The following ABCC9 variants were observed in gnomAD, a reference collection of about 807,000 sequenced individuals.
ABCC9 encodes the protein ATP-binding cassette sub-family C member 9.
ABCC9 carries 95 observed loss-of-function variants against 188.3 expected under a neutral mutation model. The observed-to-expected ratio is 0.50, with a 90% CI of 0.43 to 0.60. ABCC9 has a LOEUF of 0.60. ABCC9 is among the 20% of genes least tolerant of loss of function. The pLI is 0.00. For synonymous variants in ABCC9, 659 were observed against 652.7 expected, an observed-to-expected ratio of 1.01 and a Z score of -0.15; for missense variants, 1,102 against 1,876.3, an observed-to-expected ratio of 0.59 and a Z score of 7.62.
chr12:21,906,564 T>A (rs1185577038), intron 11 of ABCC9, among the ~76,000 whole-genome samples: 1 of 152,120 alleles, frequency 6.6e-6, no homozygotes, highest in African/African-American at 2.4e-5. Context: ...TTTCTAAAGT[T>A]TCACATGATT....
At chr12:21,925,492 A>G (rs1371692171) in intron 5 of ABCC9, 2 of 702,560 alleles carry the variant, frequency 2.8e-6, no homozygotes, top group African/African-American at 3.5e-5. Context: ...TTCCCACAGC[A>G]TCAGTGAAAG....
At chr12:21,881,425 T>G (rs539935771) in intron 16 of ABCC9, among the ~76,000 whole-genome samples, 32 of 152,322 alleles carry the variant, frequency 2.1e-4, no homozygotes, top group Middle Eastern at 3.4e-3. Flanking sequence ...TCTTAATGCA[T>G]GAATGGTCAA....
chr12:21,863,752 G>A (rs1469519069), intron 19 of ABCC9, among the ~76,000 whole-genome samples: 1 of 152,104 alleles, frequency 6.6e-6, no homozygotes, highest in African/African-American at 2.4e-5. Flanking sequence ...GAGAATGATG[G>A]GAAGGGCAGG....
Position 21,851,902 on chromosome 12 carries a change from GC to G in ABCC9, c.2769+194del, listed in dbSNP as rs4148672. 0.24 allele frequency among the ~76,000 whole-genome samples: 37,139 copies of G among 152,022 alleles called. 4,753 individuals are homozygous for G. The highest frequency in any genetic ancestry group is 0.31 in the Middle Eastern group (92 of 294). Reference sequence around the variant, plus strand: ...CCTGACTGCACCTCATCCAAAGATGGCATTAGAATTTTATAGGTTCAAAGTA... The same window carrying G: ...CCTGACTGCACCTCATCCAAAGATGGATTAGAATTTTATAGGTTCAAAGTA... On this transcript the variant is annotated intron_variant, in intron 24 of 39. Transcript: ENST00000261200.
At chr12:21,844,972 A>C in intron 26 of ABCC9, 57 bp from the exon 27 acceptor site, 1 of 1,583,596 alleles carries the variant, frequency 6.3e-7, no homozygotes, top group South Asian at 1.1e-5. Context: ...GTTCTTTCTT[A>C]CTAGAAAACC....
Position 21,940,732 on chromosome 12 carries a change from C to T in ABCC9, c.-43G>A, listed in dbSNP as rs1949654625. On this transcript the variant is annotated 5_prime_UTR_variant, in exon 2 of 40. Coordinates refer to ENST00000261200, the MANE Select transcript of ABCC9 (RefSeq NM_020297.4). The stretch of plus-strand genomic sequence containing the variant: ...TACCTTGGGCAATAGCTTCACGCTG[C>T]TTCAAACCCCTGCCGGTGCACTTGA... 1 of 152,190 alleles carries T rather than the reference C, an allele frequency of 6.6e-6. No individual in the cohort carries two copies. The highest frequency in any genetic ancestry group is 1.5e-5 in the Non-Finnish European group (1 of 68,032). 9.4% of individuals were successfully genotyped at this position (152,190 alleles called of 1,614,324 possible). A position where few individuals can be genotyped will look rare whatever the true frequency, so the allele number is the denominator to read the frequency against.
At chr12:21,893,637 A>G (rs1040330319) in intron 14 of ABCC9, among the ~76,000 whole-genome samples, 2 of 152,216 alleles carry the variant, frequency 1.3e-5, no homozygotes, top group African/African-American at 2.4e-5. Flanking sequence ...ATAAACAGAG[A>G]TGCGTGAACT....
At chr12:21,908,556 G>A (rs1565472807) in intron 10 of ABCC9, among the ~76,000 whole-genome samples, 1 of 151,852 alleles carries the variant, frequency 6.6e-6, no homozygotes, top group Admixed American at 6.6e-5. Flanking sequence ...TTTTAAAAGG[G>A]CATAAATTTT....
intron 3 of ABCC9, among the ~76,000 whole-genome samples, chr12:21,935,522 C>T (rs992175045): frequency 6.6e-6 from 1 of 152,050 alleles, no homozygotes; most frequent in Non-Finnish European, 1.5e-5. Flanking sequence ...CAAACATTCC[C>T]TTAAAGTAGA....
chr12:21,852,069 T>C, intron 24 of ABCC9, 28 bp downstream of exon 24: 1 of 1,612,530 alleles, frequency 6.2e-7, no homozygotes, highest in South Asian at 1.1e-5. Context: ...AATTGGGCTC[T>C]GAACTCTTCT....
At chr12:21,828,151 A>G (rs1943500165) in intron 31 of ABCC9, among the ~76,000 whole-genome samples, 1 of 152,182 alleles carries the variant, frequency 6.6e-6, no homozygotes, top group African/African-American at 2.4e-5. Flanking sequence ...TCAACTCAAC[A>G]TTACCATCAA....
intron 3 of ABCC9, among the ~76,000 whole-genome samples, chr12:21,934,886 G>C (rs1949425719): frequency 6.6e-6 from 1 of 151,988 alleles, no homozygotes; most frequent in African/African-American, 2.4e-5. Flanking sequence ...TTCATCATTG[G>C]AAGATTAGTT....
At position 21,819,400 on chromosome 12, in the gene ABCC9, T is replaced by A. The variant is rs913201208; in HGVS notation, c.3670-1149A>T. Among the ~76,000 whole-genome samples the A allele has an allele frequency of 4.6e-5, 7 of 152,276 alleles. No individual in the cohort carries two copies. The East Asian group carries it at 1.4e-3, about 29-fold the overall frequency. On this transcript the variant is annotated intron_variant, in intron 31 of 39. Coordinates refer to ENST00000261200, the MANE Select transcript of ABCC9 (RefSeq NM_020297.4). ...ACATGCTGAAGTCAAAGAATGAAGA[T>A]GTTTCTCAAATGACCTCACATGTGT...
chr12:21,805,616 T>C (rs1025199321), intron 39 of ABCC9, among the ~76,000 whole-genome samples: 3 of 152,164 alleles, frequency 2.0e-5, no homozygotes, highest in Middle Eastern at 3.2e-3. Flanking sequence ...TAGGTATAGA[T>C]AGTAGCAGAA....
intron 20 of ABCC9, among the ~76,000 whole-genome samples, chr12:21,862,456 C>T (rs1024612286): frequency 1.3e-5 from 2 of 152,072 alleles, no homozygotes; most frequent in African/African-American, 4.8e-5. Context: ...GGTCCTAAGA[C>T]CCACGCTTGC....
chr12:21,805,932 C>G (rs908749633), intron 39 of ABCC9, 66 bp downstream of exon 39: 3 of 1,483,684 alleles, frequency 2.0e-6, no homozygotes, highest in Non-Finnish European at 2.8e-6. Flanking sequence ...TTGCTAAAAC[C>G]TAAAGATGAT....
chr12:21,859,238 T>G (rs774886690), intron 22 of ABCC9, among the ~76,000 whole-genome samples: 2 of 152,132 alleles, frequency 1.3e-5, no homozygotes, highest in South Asian at 4.1e-4. Context: ...CAAGAGTATA[T>G]TTTCTGGCTT....
rs1946271771 is a variant in ABCC9 at position 21,875,031 on chromosome 12, A to G, written c.2092+623T>C. On this transcript the variant is annotated intron_variant, in intron 17 of 39. Coordinates refer to ENST00000261200, the MANE Select transcript of ABCC9 (RefSeq NM_020297.4). ...ACAATATAGTACTGTGTACTTTAAAATGTGTCAAGAGGATAAGTCTCATGT... is the reference window on the plus strand; with the variant it reads ...ACAATATAGTACTGTGTACTTTAAAGTGTGTCAAGAGGATAAGTCTCATGT... Among the ~76,000 whole-genome samples the G allele has an allele frequency of 3.3e-5, 5 of 151,448 alleles. No individual in the cohort carries two copies. In the South Asian group the frequency reaches 6.4e-4, roughly 19 times the overall value.
rs1017594802 is a variant in ABCC9 at position 21,810,107 on chromosome 12, G to A, written c.4212-152C>T. On this transcript the variant is annotated intron_variant, in intron 36 of 39. Coordinates refer to ENST00000261200, the MANE Select transcript of ABCC9 (RefSeq NM_020297.4). ...CACCTAGAACAGTGCCCAGAGCAGT[G>A]CAAGCACTGAATTCATGCTTGATGA... 14 of 621,012 alleles carry A rather than the reference G, an allele frequency of 2.3e-5. 1 individual carries two copies. The highest frequency in any genetic ancestry group is 2.8e-5 in the Non-Finnish European group (10 of 351,992). 38.5% of individuals were successfully genotyped at this position (621,012 alleles called of 1,614,324 possible).
Sources: gnomAD v4.1 joint callset for allele counts (sites outside exome capture counted in the v4.1 genomes callset) on GRCh38, gnomAD v4.1.1 for gene constraint, MANE v1.5 for transcripts, NCBI Gene and HGNC (gene_info 2026-07-23, HGNC 2026-07-21) for gene names.